SLC1A2: variants seen among roughly 807,000 people sequenced by gnomAD.
SLC1A2 encodes the protein excitatory amino acid transporter 2.
SLC1A2 carries 15 observed loss-of-function variants against 48.8 expected under a neutral mutation model. The ratio of observed to expected loss-of-function variants is 0.31; its 90% CI spans 0.21 to 0.47. The LOEUF (loss-of-function observed/expected upper bound fraction) is 0.47. Ranked by LOEUF, SLC1A2 falls within the 20% of genes least tolerant of loss-of-function variation. SLC1A2 has a pLI of 0.99. For synonymous variants in SLC1A2, 279 were observed against 272.6 expected, an observed-to-expected ratio of 1.02 and a Z score of -0.23; for missense variants, 502 against 730.5, an observed-to-expected ratio of 0.69 and a Z score of 3.61.
intron 9 of SLC1A2, among the ~76,000 whole-genome samples, chr11:35,270,623 TA>T (rs1850256162): frequency 6.6e-6 from 1 of 152,168 alleles, no homozygotes; most frequent in Admixed American, 6.5e-5. Flanking sequence ...TAGAGTGAGA[TA>T]AATGTTCAAA....
chr11:35,407,512 T>A (rs568986951), intron 1 of SLC1A2, among the ~76,000 whole-genome samples: 1 of 152,338 alleles, frequency 6.6e-6, no homozygotes, highest in South Asian at 2.1e-4. Context: ...CTTATCTGCT[T>A]TCCTAGTACC....
intron 4 of SLC1A2, among the ~76,000 whole-genome samples, chr11:35,311,198 C>T: frequency 6.6e-6 from 1 of 152,030 alleles, no homozygotes; most frequent in Non-Finnish European, 1.5e-5. Context: ...CAGTATGTCA[C>T]TCCGTCTCCC....
intron 1 of SLC1A2, among the ~76,000 whole-genome samples, chr11:35,367,811 A>G (rs1853904268): frequency 6.6e-6 from 1 of 152,194 alleles, no homozygotes; most frequent in Non-Finnish European, 1.5e-5. Flanking sequence ...ACACTGACTG[A>G]TTCTTTGTAC....
chr11:35,255,150 T>C lies in SLC1A2; in HGVS notation c.*5744A>G, dbSNP rs1246564291. On this transcript the variant is annotated 3_prime_UTR_variant, in exon 11 of 11. Transcript: ENST00000278379. ...GAAGTCTTCTCTGACAACAAAGGAG[T>C]TCACAACACAACAAATACCAACACT... is the stretch of plus-strand genomic sequence containing the variant. 4.0e-6 allele frequency: 1 copy of C among 249,900 alleles called. No individual in the cohort carries two copies. Among genetic ancestry groups the C allele is most frequent in the East Asian group, 1.1e-4 (1 of 8,776 alleles). 15.5% of individuals were successfully genotyped at this position (249,900 alleles called of 1,614,324 possible).
intron 7 of SLC1A2, among the ~76,000 whole-genome samples, chr11:35,287,438 T>C (rs375228320): frequency 2.0e-5 from 3 of 152,296 alleles, no homozygotes; most frequent in South Asian, 2.1e-4. Context: ...CCCTGGGAAA[T>C]TGTCCTGAGC....
intron 1 of SLC1A2, among the ~76,000 whole-genome samples, chr11:35,369,291 G>T (rs963636972): frequency 3.3e-5 from 5 of 152,182 alleles, no homozygotes; most frequent in Non-Finnish European, 7.3e-5. Flanking sequence ...CGAGGTGAGG[G>T]AAGGTGAGAG....
intron 3 of SLC1A2, among the ~76,000 whole-genome samples, chr11:35,313,832 A>C (rs1591462010): frequency 6.6e-6 from 1 of 152,276 alleles, no homozygotes; most frequent in East Asian, 1.9e-4. Context: ...CATTTCAGGT[A>C]CTGGGGTCAC....
At chr11:35,384,698 C>G (rs1256606244) in intron 1 of SLC1A2, among the ~76,000 whole-genome samples, 1 of 152,180 alleles carries the variant, frequency 6.6e-6, no homozygotes, top group Non-Finnish European at 1.5e-5. Flanking sequence ...GATTCACTGG[C>G]TTTAGGGGAA....
intron 9 of SLC1A2, among the ~76,000 whole-genome samples, chr11:35,266,285 C>A (rs188827269): frequency 6.6e-6 from 1 of 152,310 alleles, no homozygotes; most frequent in Admixed American, 6.5e-5. Context: ...AGAATAGGAA[C>A]TAACCCTTCC....
intron 1 of SLC1A2, among the ~76,000 whole-genome samples, chr11:35,366,546 T>C (rs1460755138): frequency 6.6e-6 from 1 of 152,212 alleles, no homozygotes; most frequent in East Asian, 1.9e-4. Flanking sequence ...CCAGAATTTC[T>C]CCATGGGACT....
At chr11:35,321,309 G>A (rs1399806914) in intron 1 of SLC1A2, among the ~76,000 whole-genome samples, 1 of 152,132 alleles carries the variant, frequency 6.6e-6, no homozygotes, top group African/African-American at 2.4e-5. Context: ...CACATCAAGG[G>A]TGGAGGAGAA....
intron 1 of SLC1A2, among the ~76,000 whole-genome samples, chr11:35,382,494 A>C (rs1854460247): frequency 6.6e-6 from 1 of 152,228 alleles, no homozygotes; most frequent in Non-Finnish European, 1.5e-5. Flanking sequence ...ACAAAGCATA[A>C]GTTTTAACAT....
intron 8 of SLC1A2, among the ~76,000 whole-genome samples, chr11:35,284,887 A>G (rs1850761750): frequency 6.6e-6 from 1 of 152,238 alleles, no homozygotes; most frequent in Admixed American, 6.5e-5. Flanking sequence ...GAGCATGTAG[A>G]GACATCAGAC....
rs146888033 is a variant in SLC1A2, at chr11:35,321,271, T to C, written c.18-3755A>G. 3.7e-3 allele frequency among the ~76,000 whole-genome samples: 570 copies of C among 152,100 alleles called. 8 individuals are homozygous for C. Among genetic ancestry groups the C allele is most frequent in the African/African-American group, 0.013 (560 of 41,496 alleles). Reference sequence around the variant, plus strand: ...GGATTATGGGAGCTCCAATTCAAGATGAGATTTGGGTGGGAACACAGCCAA... The same window carrying C: ...GGATTATGGGAGCTCCAATTCAAGACGAGATTTGGGTGGGAACACAGCCAA... On this transcript the variant is annotated intron_variant, in intron 1 of 10. Transcript: ENST00000278379.
At chr11:35,320,365 T>C (rs1384880263) in intron 1 of SLC1A2, among the ~76,000 whole-genome samples, 4 of 152,196 alleles carry the variant, frequency 2.6e-5, no homozygotes, top group South Asian at 2.1e-4. Flanking sequence ...ATAAAGCACA[T>C]TGTACTGTAA....
In SLC1A2 at chr11:35,251,342, G is replaced by A. The variant is rs2134546578; in HGVS notation, c.*9552C>T. The A allele has an allele frequency of 6.5e-6, 1 of 152,740 alleles. No homozygotes were observed. Among genetic ancestry groups the A allele is most frequent in the East Asian group, 1.9e-4 (1 of 5,194 alleles). 9.5% of individuals were successfully genotyped at this position (152,740 alleles called of 1,614,324 possible). A position where few individuals can be genotyped will look rare whatever the true frequency, so the allele number is the denominator to read the frequency against. ...TACACGTGAAATGTTACAGTAATCA[G>A]TCCACATTGTAAGAAAGCTTAGAAA... On this transcript the variant is annotated 3_prime_UTR_variant, in exon 11 of 11. Coordinates refer to ENST00000278379, the MANE Select transcript of SLC1A2 (RefSeq NM_004171.4).
chr11:35,357,662 AAGAC>A (rs1337029564), intron 1 of SLC1A2, among the ~76,000 whole-genome samples: 2 of 152,232 alleles, frequency 1.3e-5, no homozygotes, highest in Non-Finnish European at 2.9e-5. Flanking sequence ...GAGCCATTAA[AAGAC>A]AGAATTCCTT....
chr11:35,413,406 TAA>T (rs1476982672), intron 1 of SLC1A2, among the ~76,000 whole-genome samples: 1 of 152,186 alleles, frequency 6.6e-6, no homozygotes, highest in Admixed American at 6.5e-5. Flanking sequence ...AAAATGAGGC[TAA>T]GAGTCACTCC....
intron 1 of SLC1A2, among the ~76,000 whole-genome samples, chr11:35,394,910 C>T (rs921385967): frequency 2.0e-5 from 3 of 152,230 alleles, no homozygotes; most frequent in Non-Finnish European, 4.4e-5. Context: ...AAGCATTTCT[C>T]TCCTTGGTAG....
Sources: gnomAD v4.1 joint callset for allele counts (sites outside exome capture counted in the v4.1 genomes callset) on GRCh38, gnomAD v4.1.1 for gene constraint, MANE v1.5 for transcripts, NCBI Gene and HGNC (gene_info 2026-07-23, HGNC 2026-07-21) for gene names.